ZNF804B: variants seen among roughly 807,000 people sequenced by gnomAD.
The protein encoded by ZNF804B is zinc finger 804B.
ZNF804B carries 80 observed loss-of-function variants against 101.4 expected under a neutral mutation model. The ratio of observed to expected loss-of-function variants is 0.79; its 90% CI spans 0.66 to 0.95. ZNF804B has a LOEUF of 0.95. Ranked by LOEUF, ZNF804B falls within the 40% of genes least tolerant of loss-of-function variation. The probability of loss-of-function intolerance (pLI) is 0.00; values close to 1 mark genes in which losing one functional copy is unlikely to be tolerated. For missense variants in ZNF804B, 1,673 were observed against 1,561.9 expected (o/e 1.07, Z -1.20); for synonymous variants, 622 against 558.8 (o/e 1.11, Z -1.59).
intron 1 of ZNF804B, among the ~76,000 whole-genome samples, chr7:89,156,743 T>G (rs1790984701): frequency 1.3e-5 from 2 of 152,150 alleles, no homozygotes; most frequent in Non-Finnish European, 2.9e-5. Flanking sequence ...AATGCAAAAA[T>G]TTAAAAATAT....
intron 1 of ZNF804B, among the ~76,000 whole-genome samples, chr7:89,215,413 C>A (rs1165394306): frequency 6.6e-6 from 1 of 151,938 alleles, no homozygotes; most frequent in Admixed American, 6.6e-5. Context: ...ATAAAATCAC[C>A]TACATAATCT....
chr7:89,154,336 A>C (rs1371532370), intron 1 of ZNF804B, among the ~76,000 whole-genome samples: 1 of 152,180 alleles, frequency 6.6e-6, no homozygotes, highest in Non-Finnish European at 1.5e-5. Flanking sequence ...TTCCTCAAAA[A>C]ACCAAAATTA....
intron 2 of ZNF804B, among the ~76,000 whole-genome samples, chr7:89,237,542 C>A (rs1213855531): frequency 6.6e-6 from 1 of 152,098 alleles, no homozygotes; most frequent in African/African-American, 2.4e-5. Flanking sequence ...TTTTTCTTAT[C>A]TTGATTTTCT....
chr7:88,874,648 A>C (rs1791895400), intron 1 of ZNF804B, among the ~76,000 whole-genome samples: 1 of 152,064 alleles, frequency 6.6e-6, no homozygotes, highest in African/African-American at 2.4e-5. Context: ...ACGTCCCATC[A>C]ATACCTAATT....
At chr7:88,932,576 C>T (rs576239530) in intron 1 of ZNF804B, among the ~76,000 whole-genome samples, 1 of 151,634 alleles carries the variant, frequency 6.6e-6, no homozygotes, top group East Asian at 1.9e-4. Context: ...TTAAAACCAA[C>T]ACCATAGAAA....
At chr7:88,855,402 C>A (rs1462615667) in intron 1 of ZNF804B, among the ~76,000 whole-genome samples, 1 of 151,624 alleles carries the variant, frequency 6.6e-6, no homozygotes, top group African/African-American at 2.4e-5. Context: ...TAAATGTCTT[C>A]TTTTGAGAAG....
chr7:88,814,064 A>C (rs941478869), intron 1 of ZNF804B, among the ~76,000 whole-genome samples: 2 of 152,156 alleles, frequency 1.3e-5, no homozygotes, highest in African/African-American at 4.8e-5. Flanking sequence ...TGCAGAATTG[A>C]TATTTATAGT....
intron 2 of ZNF804B, among the ~76,000 whole-genome samples, chr7:89,235,725 G>GCAAAAC (rs1462365631): frequency 1.3e-5 from 2 of 151,534 alleles, no homozygotes; most frequent in African/African-American, 4.8e-5. Flanking sequence ...CCTTCTGTGG[G>GCAAAAC]CAAAACCTGA....
intron 1 of ZNF804B, among the ~76,000 whole-genome samples, chr7:88,995,822 A>G (rs547470515): frequency 6.6e-6 from 1 of 152,174 alleles, no homozygotes; most frequent in South Asian, 2.1e-4. Flanking sequence ...TTATGTTGTT[A>G]TGAGAATTTT....
intron 2 of ZNF804B, among the ~76,000 whole-genome samples, chr7:89,253,301 C>A (rs1789570454): frequency 6.6e-6 from 1 of 151,800 alleles, no homozygotes; most frequent in Non-Finnish European, 1.5e-5. Flanking sequence ...AACAGAAGAT[C>A]AATGGAGTCA....
intron 2 of ZNF804B, among the ~76,000 whole-genome samples, chr7:89,238,060 C>T (rs540514799): frequency 9.2e-5 from 14 of 152,008 alleles, no homozygotes; most frequent in Middle Eastern, 3.4e-3. Flanking sequence ...TCAAAATGCA[C>T]GAATGAATGC....
intron 1 of ZNF804B, among the ~76,000 whole-genome samples, chr7:89,046,961 C>A (rs1329882847): frequency 1.3e-5 from 2 of 152,094 alleles, no homozygotes; most frequent in Non-Finnish European, 2.9e-5. Flanking sequence ...ACCTTCATAA[C>A]TTAAATAACT....
intron 2 of ZNF804B, among the ~76,000 whole-genome samples, chr7:89,320,120 C>G (rs958297856): frequency 3.9e-5 from 6 of 151,928 alleles, no homozygotes; most frequent in Admixed American, 3.9e-4. Flanking sequence ...ATGGGTGCAG[C>G]AAACCACCAT....
At chr7:88,767,569 G>A (rs1246714476) in intron 1 of ZNF804B, among the ~76,000 whole-genome samples, 2 of 152,190 alleles carry the variant, frequency 1.3e-5, no homozygotes, top group Non-Finnish European at 2.9e-5. Context: ...TTAAATGACA[G>A]GGAGGATAGA....
intron 1 of ZNF804B, among the ~76,000 whole-genome samples, chr7:89,079,721 A>G (rs1365501522): frequency 6.6e-6 from 1 of 152,072 alleles, no homozygotes; most frequent in Non-Finnish European, 1.5e-5. Flanking sequence ...AATATTTTAG[A>G]TAGTGTGTGC....
chr7:88,985,656 T>G (rs1793749126), intron 1 of ZNF804B, among the ~76,000 whole-genome samples: 1 of 152,112 alleles, frequency 6.6e-6, no homozygotes, highest in African/African-American at 2.4e-5. Context: ...CACAAACATT[T>G]AAGCTGTAAA....
At chr7:89,301,010 C>G (rs975425168) in intron 2 of ZNF804B, among the ~76,000 whole-genome samples, 1 of 149,436 alleles carries the variant, frequency 6.7e-6, no homozygotes, top group African/African-American at 2.5e-5. Flanking sequence ...AGGGGATGAG[C>G]TAAACAGAAC....
chr7:88,979,025 AAAAC>A (rs1322497365), intron 1 of ZNF804B, among the ~76,000 whole-genome samples: 9 of 151,956 alleles, frequency 5.9e-5, no homozygotes, highest in Admixed American at 1.3e-4. Context: ...ACTGATTGCA[AAAAC>A]AAACAAAAGA....
chr7:88,805,221 A>G (rs1446696793), intron 1 of ZNF804B, among the ~76,000 whole-genome samples: 1 of 152,200 alleles, frequency 6.6e-6, no homozygotes, highest in Admixed American at 6.6e-5. Context: ...TTGTATTCCA[A>G]ATATGCAATG....
Sources: gnomAD v4.1 joint callset for allele counts (sites outside exome capture counted in the v4.1 genomes callset) on GRCh38, gnomAD v4.1.1 for gene constraint, MANE v1.5 for transcripts, NCBI Gene and HGNC (gene_info 2026-07-23, HGNC 2026-07-21) for gene names.